The following CTNNA3 variants were observed in gnomAD, a reference collection of about 807,000 sequenced individuals.
CTNNA3 encodes the protein catenin alpha 3.
In CTNNA3, 76 loss-of-function variants were observed where a neutral mutation model predicts 95.7. The observed-to-expected ratio is 0.79, with a 90% CI of 0.66 to 0.96. CTNNA3 has a LOEUF of 0.96. Among genes scored for constraint, CTNNA3 ranks in the 40% least tolerant of loss-of-function variants. The pLI is 0.00. For synonymous variants in CTNNA3, 431 were observed against 374.4 expected, an observed-to-expected ratio of 1.15 and a Z score of -1.74; for missense variants, 1,191 against 1,089.8, an observed-to-expected ratio of 1.09 and a Z score of -1.31.
At chr10:67,517,050 T>C (rs1839839188) in intron 5 of CTNNA3, among the ~76,000 whole-genome samples, 2 of 152,202 alleles carry the variant, frequency 1.3e-5, no homozygotes, top group Non-Finnish European at 2.9e-5. Flanking sequence ...TGAATAATGC[T>C]GCAATGAACG....
chr10:67,418,076 G>A (rs964195930), intron 5 of CTNNA3, among the ~76,000 whole-genome samples: 10 of 152,134 alleles, frequency 6.6e-5, no homozygotes, highest in African/African-American at 2.2e-4. Flanking sequence ...ATAAACCTTA[G>A]AAGAATTATG....
intron 17 of CTNNA3, among the ~76,000 whole-genome samples, chr10:65,953,918 G>A (rs1425764935): frequency 6.6e-6 from 1 of 152,170 alleles, no homozygotes; most frequent in Non-Finnish European, 1.5e-5. Flanking sequence ...GGATGGCTGG[G>A]TCAAATGGTA....
intron 10 of CTNNA3, among the ~76,000 whole-genome samples, chr10:66,542,000 G>A (rs1016219262): frequency 6.6e-6 from 1 of 152,044 alleles, no homozygotes; most frequent in Non-Finnish European, 1.5e-5. Context: ...CTGACAAAGA[G>A]CTAATATCCA....
intron 10 of CTNNA3, among the ~76,000 whole-genome samples, chr10:66,612,228 C>T (rs538406469): frequency 1.3e-5 from 2 of 152,182 alleles, no homozygotes; most frequent in South Asian, 4.1e-4. Context: ...TCCTACATCT[C>T]TTATTCAGAT....
intron 5 of CTNNA3, among the ~76,000 whole-genome samples, chr10:67,301,859 A>C (rs949003706): frequency 1.6e-4 from 24 of 151,690 alleles, no homozygotes; most frequent in African/African-American, 7.3e-5. Context: ...GTCCCAGCTA[A>C]TCGGGAGGCT....
intron 7 of CTNNA3, among the ~76,000 whole-genome samples, chr10:66,815,050 C>T (rs1309788372): frequency 2.6e-5 from 4 of 151,738 alleles, no homozygotes; most frequent in African/African-American, 9.7e-5. Flanking sequence ...CGGGGTTTCA[C>T]CGTATTCGCC....
chr10:66,227,075 G>C (rs959794374), intron 13 of CTNNA3, among the ~76,000 whole-genome samples: 2 of 152,044 alleles, frequency 1.3e-5, no homozygotes, highest in African/African-American at 4.8e-5. Context: ...GTGTAGCCCA[G>C]GCTGGTTTCA....
intron 5 of CTNNA3, among the ~76,000 whole-genome samples, chr10:67,468,632 T>C (rs919908775): frequency 2.0e-5 from 3 of 152,028 alleles, no homozygotes; most frequent in Non-Finnish European, 4.4e-5. Flanking sequence ...TGAACGTAAG[T>C]GATATATGCC....
At chr10:67,490,441 T>G (rs77851612) in intron 5 of CTNNA3, among the ~76,000 whole-genome samples, 2,598 of 152,280 alleles carry the variant, frequency 0.017, 78 homozygotes, top group African/African-American at 0.057. Flanking sequence ...AAACCTATGC[T>G]GTCAGCATAA....
chr10:66,755,617 T>C (rs1449071456), intron 9 of CTNNA3, among the ~76,000 whole-genome samples: 2 of 152,124 alleles, frequency 1.3e-5, no homozygotes, highest in Admixed American at 6.6e-5. Flanking sequence ...GGAATTCTTA[T>C]ACATTGTTAG....
intron 11 of CTNNA3, among the ~76,000 whole-genome samples, chr10:66,435,049 G>C: frequency 6.6e-6 from 1 of 150,830 alleles, no homozygotes; most frequent in East Asian, 1.9e-4. Flanking sequence ...CAGTTTTCCA[G>C]TATTTTATTG....
intron 1 of CTNNA3, among the ~76,000 whole-genome samples, chr10:67,706,669 G>A (rs1028135835): frequency 6.6e-6 from 1 of 152,102 alleles, no homozygotes; most frequent in Non-Finnish European, 1.5e-5. Context: ...GGCCTTTAAA[G>A]AACTAAAAAT....
chr10:66,445,476 T>C (rs2093413006), intron 11 of CTNNA3, among the ~76,000 whole-genome samples: 2 of 152,112 alleles, frequency 1.3e-5, no homozygotes, highest in South Asian at 4.1e-4. Flanking sequence ...AAACTGTCTC[T>C]CAAACCACAG....
intron 5 of CTNNA3, among the ~76,000 whole-genome samples, chr10:67,283,671 C>T (rs1293849782): frequency 1.3e-5 from 2 of 152,194 alleles, no homozygotes; most frequent in African/African-American, 4.8e-5. Flanking sequence ...ACTTGGCCCT[C>T]TTCTAAATGT....
intron 17 of CTNNA3, among the ~76,000 whole-genome samples, chr10:65,921,436 T>C (rs1476439488): frequency 2.0e-5 from 3 of 152,338 alleles, no homozygotes; most frequent in African/African-American, 7.2e-5. Flanking sequence ...AAAGACATGG[T>C]ACATATTCCT....
At chr10:66,900,493 G>A (rs894642869) in intron 7 of CTNNA3, among the ~76,000 whole-genome samples, 1 of 152,194 alleles carries the variant, frequency 6.6e-6, no homozygotes, top group African/African-American at 2.4e-5. Context: ...CTCCTCGCCA[G>A]CAATGGAAGA....
chr10:67,549,020 T>C (rs1840931770), intron 3 of CTNNA3, among the ~76,000 whole-genome samples: 1 of 152,136 alleles, frequency 6.6e-6, no homozygotes, highest in Admixed American at 6.5e-5. Flanking sequence ...CTATCATAAA[T>C]ATAATCTAAA....
intron 7 of CTNNA3, among the ~76,000 whole-genome samples, chr10:66,836,065 C>A (rs1213447703): frequency 1.3e-5 from 2 of 152,062 alleles, no homozygotes; most frequent in Non-Finnish European, 2.9e-5. Flanking sequence ...ACTGGCTTTC[C>A]AGGAAGAAAA....
chr10:66,483,461 T>G lies in CTNNA3; in HGVS notation c.1531+37156A>C, dbSNP rs543458480. On this transcript the variant is annotated intron_variant, in intron 11 of 17. Transcript: ENST00000433211. ...AGAATTGAGGGCAAAATAAAAATAT[T>G]CATCCTCTGGCGATCTTCATTTAAC... 4.6e-5 allele frequency among the ~76,000 whole-genome samples: 7 copies of G among 152,248 alleles called. 1 individual carries two copies. The South Asian group carries it at 8.3e-4, about 18-fold the overall frequency.
Sources: gnomAD v4.1 joint callset for allele counts (sites outside exome capture counted in the v4.1 genomes callset) on GRCh38, gnomAD v4.1.1 for gene constraint, MANE v1.5 for transcripts, NCBI Gene and HGNC (gene_info 2026-07-23, HGNC 2026-07-21) for gene names.